SENP2: variants seen among roughly 807,000 people sequenced by gnomAD.
The protein encoded by SENP2 is sentrin-specific protease 2.
SENP2 carries 16 observed loss-of-function variants against 86.3 expected under a neutral mutation model. That is an observed-to-expected ratio of 0.19 (90% CI 0.13 to 0.28). The LOEUF (loss-of-function observed/expected upper bound fraction) is 0.28, where lower values mean the gene tolerates loss of function less well. Ranked by LOEUF, SENP2 falls within the 10% of genes least tolerant of loss-of-function variation. SENP2 has a pLI of 1.00. For synonymous variants in SENP2, 222 were observed against 238.7 expected (o/e 0.93, Z 0.64); for missense variants, 552 against 703.0 (o/e 0.79, Z 2.43).
rs1722261093 is a variant in SENP2, at chr3:185,598,991, G to A, written c.325G>A (p.Gly109Ser). The change falls in exon 4 of 17, where the codon GGT becomes AGT. Residue 109 changes from glycine to serine, a missense_variant. Physicochemically the swap from Gly to Ser is moderately conservative, Grantham distance 56 (BLOSUM62 0). Transcript: ENST00000296257. ...GAACTCTTCATCTTGTGAACTGACA[G>A]GTTCTGGATCCTGGAACAACATGCT... is the stretch of plus-strand genomic sequence containing the variant. ...FSNSSSCELTGSGSWNNMLKL... is the reference protein window; with the variant it reads ...FSNSSSCELTSSGSWNNMLKL... 4 of 1,613,144 alleles carry A rather than the reference G, an allele frequency of 2.5e-6. No homozygotes were observed. Among genetic ancestry groups the A allele is most frequent in the Non-Finnish European group, 3.4e-6 (4 of 1,179,704 alleles).
intron 2 of SENP2, among the ~76,000 whole-genome samples, chr3:185,597,438 C>T (rs532222068): frequency 8.3e-4 from 125 of 151,044 alleles, no homozygotes; most frequent in Non-Finnish European, 1.2e-3. Flanking sequence ...CTGCAACCTC[C>T]GCCTCCCAGG....
chr3:185,629,868 G>C lies in SENP2; in HGVS notation c.*24G>C. The C allele has an allele frequency of 6.2e-7, 1 of 1,611,082 alleles. No homozygotes were observed. The highest frequency in any genetic ancestry group is 1.7e-4 in the Middle Eastern group (1 of 6,058). ...GAGAAAACTTTGCCTGGTCCCTCTA[G>C]CTGCTGGTGGTTCTTTCACAGACAT... On this transcript the variant is annotated 3_prime_UTR_variant, in exon 17 of 17. Transcript: ENST00000296257.
At position 185,633,328 on chromosome 3, in the gene SENP2, A is replaced by G. The variant is rs576233558; in HGVS notation, c.*3484A>G. 6.6e-6 allele frequency: 1 copy of G among 152,332 alleles called. No homozygotes were observed. The highest frequency in any genetic ancestry group is 2.1e-4 in the South Asian group (1 of 4,826). 9.4% of individuals were successfully genotyped at this position (152,332 alleles called of 1,614,324 possible). On this transcript the variant is annotated 3_prime_UTR_variant, in exon 17 of 17. Transcript: ENST00000296257. ...GCTTTTGTGAACTGATTGGGAACCT[A>G]ATCTCTTTTGTAACTGTTTGAGAAA... is the stretch of plus-strand genomic sequence containing the variant.
intron 6 of SENP2, chr3:185,606,729 T>G (rs978627404): frequency 2.8e-5 from 15 of 534,108 alleles, no homozygotes; most frequent in African/African-American, 2.3e-4. Flanking sequence ...AAAGTTCTTA[T>G]GAGATTGTCC....
chr3:185,621,918 T>C lies in SENP2; in HGVS notation c.1526+13T>C. 6.4e-7 allele frequency: 1 copy of C among 1,573,812 alleles called. No individual in the cohort carries two copies. Among genetic ancestry groups the C allele is most frequent in the Non-Finnish European group, 8.7e-7 (1 of 1,144,670 alleles). ...GTGAGATTCTCCTGTAAGTAAAGGT[T>C]GAAAACCTCACTACCCCCTGTTGAG... is the stretch of plus-strand genomic sequence containing the variant. On this transcript the variant is annotated intron_variant, in intron 14 of 16. Coordinates refer to ENST00000296257, the MANE Select transcript of SENP2 (RefSeq NM_021627.3).
intron 2 of SENP2, among the ~76,000 whole-genome samples, chr3:185,592,540 G>A (rs1722040983): frequency 6.6e-6 from 1 of 151,968 alleles, no homozygotes; most frequent in East Asian, 1.9e-4. Context: ...AATTCAGTGA[G>A]TACTTATTGA....
chr3:185,600,495 C>A (rs1162701841), intron 4 of SENP2, among the ~76,000 whole-genome samples: 3 of 152,160 alleles, frequency 2.0e-5, no homozygotes, highest in African/African-American at 7.2e-5. Flanking sequence ...TCTTCATGGC[C>A]TCTTAACAGT....
chr3:185,594,696 T>C (rs532277894), intron 2 of SENP2, among the ~76,000 whole-genome samples: 2 of 151,516 alleles, frequency 1.3e-5, no homozygotes, highest in South Asian at 2.1e-4. Flanking sequence ...CTCGGTTCAC[T>C]GCAACCTCCA....
intron 16 of SENP2, among the ~76,000 whole-genome samples, chr3:185,628,595 C>T (rs750806400): frequency 6.6e-6 from 1 of 152,210 alleles, no homozygotes; most frequent in East Asian, 1.9e-4. Flanking sequence ...CAACCTCCGC[C>T]TCCCGGGTTC....
At position 185,590,105 on chromosome 3, in the gene SENP2, CT is replaced by C; in HGVS notation, c.102-4del. 2 of 1,479,774 alleles carry C rather than the reference CT, an allele frequency of 1.4e-6. No individual in the cohort carries two copies. Among genetic ancestry groups the C allele is most frequent in the South Asian group, 1.4e-5 (1 of 71,132 alleles). 91.7% of individuals were successfully genotyped at this position (1,479,774 alleles called of 1,614,324 possible). A position where few individuals can be genotyped will look rare whatever the true frequency, so the allele number is the denominator to read the frequency against. On this transcript the variant is annotated splice_region_variant and splice_polypyrimidine_tract_variant and intron_variant, in intron 1 of 16. Coordinates refer to ENST00000296257, the MANE Select transcript of SENP2 (RefSeq NM_021627.3). Reference sequence around the variant, plus strand: ...TATATATATATATTTTTTTCTTTCTCTTTTTCAGCACTCTGTTTTCTACAGT... The same window carrying C: ...TATATATATATATTTTTTTCTTTCTCTTTTCAGCACTCTGTTTTCTACAGT...
At chr3:185,605,060 G>C (rs779601292) in intron 5 of SENP2, among the ~76,000 whole-genome samples, 2 of 150,610 alleles carry the variant, frequency 1.3e-5, no homozygotes, top group African/African-American at 2.4e-5. Flanking sequence ...GGCCGAATCT[G>C]TTTATTTCTT....
intron 7 of SENP2, among the ~76,000 whole-genome samples, chr3:185,610,566 TC>T (rs1268475949): frequency 1.3e-5 from 2 of 152,242 alleles, no homozygotes; most frequent in African/African-American, 4.8e-5. Flanking sequence ...CAGTATTTTC[TC>T]CATTTTGACC....
intron 15 of SENP2, 74 bp downstream of exon 15, chr3:185,624,156 T>A (rs533540936): frequency 2.8e-5 from 25 of 898,752 alleles, no homozygotes; most frequent in Non-Finnish European, 3.7e-5. Flanking sequence ...TTTGGCTCCC[T>A]TCCTGCCCTT....
intron 2 of SENP2, among the ~76,000 whole-genome samples, chr3:185,595,752 T>A (rs1320922337): frequency 1.3e-5 from 2 of 151,868 alleles, no homozygotes; most frequent in Non-Finnish European, 2.9e-5. Flanking sequence ...CACTGAAACC[T>A]ACCCTTTCCT....
At chr3:185,590,744 A>T (rs1577715437) in intron 2 of SENP2, among the ~76,000 whole-genome samples, 1 of 123,916 alleles carries the variant, frequency 8.1e-6, no homozygotes, top group Non-Finnish European at 1.7e-5. Context: ...GCCTATAGTC[A>T]CAGCTACTCG....
intron 16 of SENP2, 79 bp downstream of exon 16, chr3:185,626,472 G>A: frequency 3.2e-6 from 3 of 944,868 alleles, no homozygotes; most frequent in South Asian, 1.5e-5. Flanking sequence ...CACACATTCA[G>A]CTCTCAATAG....
intron 5 of SENP2, among the ~76,000 whole-genome samples, chr3:185,604,046 G>A (rs1345238948): frequency 2.6e-5 from 4 of 152,152 alleles, no homozygotes; most frequent in Non-Finnish European, 5.9e-5. Flanking sequence ...GCTTCAACCC[G>A]GAAGGCGGAG....
At chr3:185,599,805 C>CT (rs1255516011) in intron 4 of SENP2, among the ~76,000 whole-genome samples, 7 of 142,642 alleles carry the variant, frequency 4.9e-5, no homozygotes, top group African/African-American at 1.9e-4. Context: ...ATATTTCTTT[C>CT]TTTCTTTTTT....
At position 185,586,966 on chromosome 3, in the gene SENP2, A is replaced by G. The variant is rs1214117033; in HGVS notation, c.101+452A>G. ...AGAAACAGCACCTGTTTTGTTCCAA[A>G]ACAGCTGTCAAACAGTCTGTGTGTT... On this transcript the variant is annotated intron_variant, in intron 1 of 16. Coordinates refer to ENST00000296257, the MANE Select transcript of SENP2 (RefSeq NM_021627.3). The surrounding 1 kb of genome is among the most constrained non-coding windows in gnomAD (Gnocchi z 4.3). 6.6e-6 allele frequency among the ~76,000 whole-genome samples: 1 copy of G among 152,062 alleles called. No individual in the cohort carries two copies. Among genetic ancestry groups the G allele is most frequent in the Non-Finnish European group, 1.5e-5 (1 of 67,982 alleles).
Sources: gnomAD v4.1 joint callset for allele counts (sites outside exome capture counted in the v4.1 genomes callset) on GRCh38, gnomAD v4.1.1 for gene constraint, Gnocchi (gnomAD v3.1) non-coding constraint, MANE v1.5 for transcripts, NCBI Gene and HGNC (gene_info 2026-07-23, HGNC 2026-07-21) for gene names.